Variants in ROBO2 observed in about 807,000 individuals in gnomAD.
The protein encoded by ROBO2 is roundabout guidance receptor 2.
Under a neutral mutation model 160.8 loss-of-function variants are expected in ROBO2, and 53 were observed. That is an observed-to-expected ratio of 0.33 (90% CI 0.26 to 0.41). ROBO2 has a LOEUF of 0.41. Among genes scored for constraint, ROBO2 ranks in the 10% least tolerant of loss-of-function variants. The probability of loss-of-function intolerance (pLI) is 1.00; values close to 1 mark genes in which losing one functional copy is unlikely to be tolerated. For synonymous variants in ROBO2, 664 were observed against 611.7 expected, an observed-to-expected ratio of 1.09 and a Z score of -1.26; for missense variants, 1,577 against 1,722.4, an observed-to-expected ratio of 0.92 and a Z score of 1.49.
At chr3:77,328,339 A>C (rs1306473412) in intron 2 of ROBO2, among the ~76,000 whole-genome samples, 2 of 152,162 alleles carry the variant, frequency 1.3e-5, no homozygotes, top group African/African-American at 4.8e-5. Flanking sequence ...TTGTGAACGG[A>C]ATTATATTTT....
At chr3:76,218,966 T>C (rs1004926812) in intron 2 of ROBO2, among the ~76,000 whole-genome samples, 8 of 152,078 alleles carry the variant, frequency 5.3e-5, no homozygotes, top group African/African-American at 1.9e-4. Context: ...AAAACAGAGA[T>C]ATAGATCAAT....
At chr3:76,986,545 T>G (rs1578064635) in intron 2 of ROBO2, among the ~76,000 whole-genome samples, 1 of 152,134 alleles carries the variant, frequency 6.6e-6, no homozygotes, top group African/African-American at 2.4e-5. Flanking sequence ...GGGGGAAAGT[T>G]ATATTATTTT....
chr3:76,748,957 T>G, intron 2 of ROBO2, among the ~76,000 whole-genome samples: 1 of 151,854 alleles, frequency 6.6e-6, no homozygotes. Context: ...ATATTATAGC[T>G]AAATATGTTT....
At chr3:76,880,740 G>T (rs774427125) in intron 2 of ROBO2, among the ~76,000 whole-genome samples, 2 of 152,032 alleles carry the variant, frequency 1.3e-5, no homozygotes, top group Non-Finnish European at 2.9e-5. Context: ...TGGAGTAAAA[G>T]GTTCATTCTT....
intron 2 of ROBO2, among the ~76,000 whole-genome samples, chr3:76,579,460 A>G (rs920119039): frequency 6.6e-6 from 1 of 152,178 alleles, no homozygotes; most frequent in Non-Finnish European, 1.5e-5. Flanking sequence ...CTGTAATGCT[A>G]CTAGTTCAAT....
chr3:76,013,505 G>A (rs687724), intron 2 of ROBO2, among the ~76,000 whole-genome samples: 111,279 of 146,946 alleles, frequency 0.76, 43,275 homozygotes, highest in East Asian at 0.96. Context: ...CATAAAGGCA[G>A]TTGGAGGCTG....
chr3:76,820,737 C>G (rs1277511363), intron 2 of ROBO2, among the ~76,000 whole-genome samples: 1 of 151,810 alleles, frequency 6.6e-6, no homozygotes, highest in African/African-American at 2.4e-5. Flanking sequence ...TGGAAATATG[C>G]AGTTACTGTT....
chr3:76,438,861 G>C (rs1359540452), intron 2 of ROBO2, among the ~76,000 whole-genome samples: 1 of 151,778 alleles, frequency 6.6e-6, no homozygotes, highest in South Asian at 2.1e-4. Flanking sequence ...ACGAGATTTT[G>C]AGATAAGTGT....
At chr3:77,141,266 T>C (rs1185341551) in intron 2 of ROBO2, among the ~76,000 whole-genome samples, 1 of 151,768 alleles carries the variant, frequency 6.6e-6, no homozygotes, top group African/African-American at 2.4e-5. Context: ...TATGCTAAGA[T>C]GGGATGTACA....
chr3:77,544,220 T>TAC (rs2092606423), intron 6 of ROBO2, among the ~76,000 whole-genome samples: 1 of 152,052 alleles, frequency 6.6e-6, no homozygotes, highest in South Asian at 2.1e-4. Flanking sequence ...AACATTGATT[T>TAC]ACACCATCAT....
At chr3:76,799,551 A>T (rs2064042854) in intron 2 of ROBO2, among the ~76,000 whole-genome samples, 1 of 152,100 alleles carries the variant, frequency 6.6e-6, no homozygotes, top group African/African-American at 2.4e-5. Context: ...TTAACATACA[A>T]AAATCAGTAA....
chr3:77,269,766 A>G (rs1366668220), intron 2 of ROBO2, among the ~76,000 whole-genome samples: 1 of 152,304 alleles, frequency 6.6e-6, no homozygotes, highest in South Asian at 2.1e-4. Context: ...AATTGCTAAT[A>G]TTCTGCTTAC....
chr3:75,952,372 A>T (rs540240170), intron 2 of ROBO2, among the ~76,000 whole-genome samples: 1 of 152,002 alleles, frequency 6.6e-6, no homozygotes, highest in Admixed American at 6.6e-5. Flanking sequence ...AACTATATTT[A>T]TTAATGAAAT....
intron 2 of ROBO2, among the ~76,000 whole-genome samples, chr3:76,792,298 T>C (rs1165646621): frequency 6.6e-6 from 1 of 151,888 alleles, no homozygotes; most frequent in Non-Finnish European, 1.5e-5. Flanking sequence ...TACTTAACTG[T>C]CTAAATTTTC....
chr3:76,649,144 G>C (rs946418555), intron 2 of ROBO2, among the ~76,000 whole-genome samples: 1 of 152,038 alleles, frequency 6.6e-6, no homozygotes, highest in Non-Finnish European at 1.5e-5. Context: ...TTTGGAAGCA[G>C]AAAAATGTGG....
At chr3:75,989,273 A>G (rs1462464035) in intron 2 of ROBO2, among the ~76,000 whole-genome samples, 2 of 152,016 alleles carry the variant, frequency 1.3e-5, no homozygotes, top group African/African-American at 2.4e-5. Context: ...GTGCACTACC[A>G]TGACTGGCTA....
intron 2 of ROBO2, among the ~76,000 whole-genome samples, chr3:76,533,896 G>A (rs1189536126): frequency 1.3e-5 from 2 of 151,974 alleles, no homozygotes; most frequent in Non-Finnish European, 2.9e-5. Flanking sequence ...TCATATGGAG[G>A]GTCAATCGGT....
At chr3:76,435,329 A>G (rs2076624057) in intron 2 of ROBO2, 2 of 835,166 alleles carry the variant, frequency 2.4e-6, no homozygotes, top group East Asian at 4.8e-5. Flanking sequence ...TCATTCCTAC[A>G]GAAGGCGGTG....
intron 2 of ROBO2, among the ~76,000 whole-genome samples, chr3:76,303,198 C>A (rs1370288156): frequency 1.3e-5 from 2 of 152,028 alleles, no homozygotes; most frequent in African/African-American, 2.4e-5. Flanking sequence ...AGGGCGCCTC[C>A]CCAGGACCCA....
Sources: gnomAD v4.1 joint callset for allele counts (sites outside exome capture counted in the v4.1 genomes callset) on GRCh38, gnomAD v4.1.1 for gene constraint, MANE v1.5 for transcripts, NCBI Gene and HGNC (gene_info 2026-07-23, HGNC 2026-07-21) for gene names.